The following ABCC6 variants were observed in gnomAD, a reference collection of about 807,000 sequenced individuals.
ABCC6 encodes the protein ATP binding cassette subfamily C member 6.
ABCC6 carries 126 observed loss-of-function variants against 169.5 expected under a neutral mutation model. That is an observed-to-expected ratio of 0.74 (90% CI 0.64 to 0.86). The LOEUF (loss-of-function observed/expected upper bound fraction) is 0.86. Among genes scored for constraint, ABCC6 ranks in the 40% least tolerant of loss-of-function variants. The probability of loss-of-function intolerance (pLI) is 0.00; values close to 1 mark genes in which losing one functional copy is unlikely to be tolerated. For synonymous variants in ABCC6, 752 were observed against 814.7 expected (o/e 0.92, Z 1.31); for missense variants, 1,733 against 1,927.2 (o/e 0.90, Z 1.89).
chr16:16,184,911 C>T (rs1242801485), intron 15 of ABCC6, 48 bp downstream of exon 15: 1 of 1,569,786 alleles, frequency 6.4e-7, no homozygotes, highest in Non-Finnish European at 8.8e-7. Flanking sequence ...CCCCATGCAT[C>T]TTCTCCCTAA....
intron 17 of ABCC6, among the ~76,000 whole-genome samples, chr16:16,179,918 TATA>T (rs2047415108): frequency 6.6e-6 from 1 of 152,156 alleles, no homozygotes; most frequent in Non-Finnish European, 1.5e-5. Context: ...CATTGTAATA[TATA>T]ATGACTCACC....
rs1411389399 is a variant in ABCC6, at chr16:16,169,724, C to T, written c.2917G>A (p.Asp973Asn). The T allele has an allele frequency of 4.3e-6, 7 of 1,610,148 alleles. No individual in the cohort carries two copies. The highest frequency in any genetic ancestry group is 5.1e-6 in the Non-Finnish European group (6 of 1,179,036). ...TGCTGCCCACCTACTGCAGGGTCGT[C>T]CGCCCACAGGCTCAGCCAGTAGCCC... The part of the protein sequence containing the change: ...CRGYWLSLWA[D>N]DPAVGGQQTQ... The change falls in exon 22 of 31, where the codon GAC becomes AAC. Residue 973 changes from aspartate to asparagine, a missense_variant. Asp to Asn is a conservative substitution (Grantham distance 23). Coordinates refer to ENST00000205557, the MANE Select transcript of ABCC6 (RefSeq NM_001171.6).
At chr16:16,221,597 C>T in intron 2 of ABCC6, 52 bp downstream of exon 2, 1 of 1,600,154 alleles carries the variant, frequency 6.2e-7, no homozygotes, top group Non-Finnish European at 8.5e-7. Context: ...CAGCCTGTCC[C>T]CTGCCTCCCC....
At position 16,204,723 on chromosome 16, in the gene ABCC6, C is replaced by T. The variant is rs552102108; in HGVS notation, c.795-1110G>A. On this transcript the variant is annotated intron_variant, in intron 7 of 30. Coordinates refer to ENST00000205557, the MANE Select transcript of ABCC6 (RefSeq NM_001171.6). ...AGTCCGGTTGCTGTGTGGTCCTGGG[C>T]GGGGACACTGCTCCTCTCTCTGTGT... Among the ~76,000 whole-genome samples, 4 of 152,192 alleles carry T rather than the reference C, an allele frequency of 2.6e-5. No individual in the cohort carries two copies. The East Asian group carries it at 7.7e-4, about 29-fold the overall frequency.
rs776573194 is a variant in ABCC6, at chr16:16,182,964, T to C, written c.1944-34A>G. On this transcript the variant is annotated intron_variant, in intron 15 of 30. Coordinates refer to ENST00000205557, the MANE Select transcript of ABCC6 (RefSeq NM_001171.6). ...GCAAGAGGGGAGACATGACCTTGGT[T>C]AGGGTTCAGCCCGCCTCTGTGAGGA... 30 of 1,613,966 alleles carry C rather than the reference T, an allele frequency of 1.9e-5. No individual in the cohort carries two copies. The Admixed American group carries it at 4.7e-4, about 25-fold the overall frequency.
chr16:16,163,219 G>A (rs1379225071), intron 23 of ABCC6, 27 bp from the exon 24 acceptor site: 3 of 1,606,730 alleles, frequency 1.9e-6, no homozygotes, highest in South Asian at 2.2e-5. Flanking sequence ...GGAGAGGGAA[G>A]AGGAGAAGCC....
intron 15 of ABCC6, among the ~76,000 whole-genome samples, chr16:16,184,567 A>G (rs1161172773): frequency 2.0e-5 from 3 of 152,142 alleles, no homozygotes; most frequent in Non-Finnish European, 4.4e-5. Context: ...ATAGAGTTGG[A>G]GACTATAGAT....
rs147391297 is a variant in ABCC6, at chr16:16,169,720, T to C, written c.2921A>G (p.Asp974Gly). 1.4e-5 allele frequency: 23 copies of C among 1,610,440 alleles called. No individual in the cohort carries two copies. Among genetic ancestry groups the C allele is most frequent in the Non-Finnish European group, 1.8e-5 (21 of 1,179,208 alleles). ...RGYWLSLWAD[D>G]PAVGGQQTQA... ...CGTCTGCTGCCCACCTACTGCAGGG[T>C]CGTCCGCCCACAGGCTCAGCCAGTA... Residue 974 changes from aspartate (D) to glycine (G), a missense_variant, in exon 22 of 31, where the codon GAC becomes GGC. Asp to Gly is a moderately conservative substitution (Grantham distance 94). Transcript: ENST00000205557.
rs372900949 is a variant in ABCC6, at chr16:16,183,236, C to T, written c.1944-306G>A. On this transcript the variant is annotated intron_variant, in intron 15 of 30. Transcript: ENST00000205557. ...ACACACACACAAGTGCATGCACATA[C>T]CCAATCAATCCATGCTCACACGCAT... Among the ~76,000 whole-genome samples the T allele has an allele frequency of 4.5e-4, 68 of 152,280 alleles. No individual in the cohort carries two copies. In the Middle Eastern group the frequency reaches 0.01, roughly 23 times the overall value.
chr16:16,220,595 G>T (rs2049038275), intron 2 of ABCC6, among the ~76,000 whole-genome samples: 1 of 152,032 alleles, frequency 6.6e-6, no homozygotes, highest in South Asian at 2.1e-4. Flanking sequence ...TACAAATAAA[G>T]TTTTATTGAA....
In ABCC6 at chr16:16,200,297, C is replaced by G. The variant is rs555323272; in HGVS notation, c.1176+1704G>C. On this transcript the variant is annotated intron_variant, in intron 9 of 30. Coordinates refer to ENST00000205557, the MANE Select transcript of ABCC6 (RefSeq NM_001171.6). ...ATACAAAATTAGCCGGGCATGGTGG[C>G]GCACACCTGTAATCCCAGCTACTCA... 9.0e-4 allele frequency among the ~76,000 whole-genome samples: 137 copies of G among 151,436 alleles called. 2 individuals are homozygous for G. The South Asian group carries it at 0.024, about 27-fold the overall frequency.
At chr16:16,177,360 G>A in intron 19 of ABCC6, 92 bp downstream of exon 19, 1 of 1,446,464 alleles carries the variant, frequency 6.9e-7, no homozygotes, top group Non-Finnish European at 9.7e-7. Context: ...TGTGGCCAGA[G>A]CACTCCATTC....
At chr16:16,160,302 G>C (rs2046674085) in intron 25 of ABCC6, among the ~76,000 whole-genome samples, 2 of 152,278 alleles carry the variant, frequency 1.3e-5, no homozygotes, top group Non-Finnish European at 2.9e-5. Context: ...GATAATAACA[G>C]TGCTTCTCTG....
At position 16,150,579 on chromosome 16, in the gene ABCC6, G is replaced by C. The variant is rs776891665; in HGVS notation, c.4402C>G (p.Arg1468Gly). Residue 1468 changes from arginine (R) to glycine (G), a missense_variant and splice_region_variant, in exon 30 of 31, where the codon CGG (arginine) becomes GGG (glycine). This residue lies in a region of ABCC6 where 1,601 missense variants were observed against 1,635.5 expected (regional missense o/e 0.98). Coordinates refer to ENST00000205557, the MANE Select transcript of ABCC6 (RefSeq NM_001171.6). ...HRLRSVMDCA[R>G]VLVMDKGQVA... ...GTCAGGCCGGGGCGGGAGCCTTACCGGGCACAGTCCATCACGGAGCGCAGG... is the reference window on the plus strand; with the variant it reads ...GTCAGGCCGGGGCGGGAGCCTTACCCGGCACAGTCCATCACGGAGCGCAGG... 5 of 1,607,908 alleles carry C rather than the reference G, an allele frequency of 3.1e-6. No homozygotes were observed. The African/African-American group carries it at 4.0e-5, about 13-fold the overall frequency.
At chr16:16,174,763 C>CCCCCCT (rs2047221351) in intron 20 of ABCC6, among the ~76,000 whole-genome samples, 1 of 129,036 alleles carries the variant, frequency 7.7e-6, no homozygotes, top group Non-Finnish European at 1.7e-5. Flanking sequence ...TCTCAAAACC[C>CCCCCCT]CCCCCCGCAA....
chr16:16,193,155 G>T (rs1025812741), intron 10 of ABCC6, among the ~76,000 whole-genome samples: 5 of 152,194 alleles, frequency 3.3e-5, no homozygotes, highest in South Asian at 4.2e-4. Context: ...TAAAGAAGGC[G>T]GCCAAATCCC....
chr16:16,221,897 G>T lies in ABCC6; in HGVS notation c.37-66C>A, dbSNP rs1415030229. Reference sequence around the variant, plus strand: ...AGGGGTCCCCAGCTCACCTGCCCAGGGGGCCAGGCAACTTTTTGGATCTTT... The same window carrying T: ...AGGGGTCCCCAGCTCACCTGCCCAGTGGGCCAGGCAACTTTTTGGATCTTT... On this transcript the variant is annotated intron_variant, in intron 1 of 30. Coordinates refer to ENST00000205557, the MANE Select transcript of ABCC6 (RefSeq NM_001171.6). 4.3e-5 allele frequency: 69 copies of T among 1,611,662 alleles called. 1 individual carries two copies. In the South Asian group the frequency reaches 7.6e-4, roughly 18 times the overall value.
chr16:16,196,054 A>G (rs2048027468), intron 10 of ABCC6, among the ~76,000 whole-genome samples: 1 of 152,194 alleles, frequency 6.6e-6, no homozygotes, highest in South Asian at 2.1e-4. Context: ...TACTAAAAAT[A>G]CAAAAATTAG....
At chr16:16,192,392 C>T (rs371901095) in intron 11 of ABCC6, among the ~76,000 whole-genome samples, 21 of 151,938 alleles carry the variant, frequency 1.4e-4, no homozygotes, top group Non-Finnish European at 1.9e-4. Flanking sequence ...AGGGGTACAA[C>T]GTATTTGGTT....
Sources: allele counts gnomAD v4.1 joint callset (sites outside exome capture counted in the v4.1 genomes callset), GRCh38; gene constraint gnomAD v4.1.1; regional missense constraint gnomAD v4.1.1; transcripts MANE v1.5; gene names NCBI Gene and HGNC (gene_info 2026-07-23, HGNC 2026-07-21).